EFCAB11: variants seen among roughly 807,000 people sequenced by gnomAD.
EFCAB11 encodes EF-hand calcium binding domain 11.
A neutral mutation model predicts 23.0 loss-of-function variants in EFCAB11; 14 were observed. The ratio of observed to expected loss-of-function variants is 0.61; its 90% CI spans 0.40 to 0.95. The LOEUF (loss-of-function observed/expected upper bound fraction) is 0.95, where lower values mean the gene tolerates loss of function less well. EFCAB11 is among the 40% of genes least tolerant of loss of function. The pLI is 0.00. For missense variants in EFCAB11, 198 were observed against 195.8 expected (o/e 1.01, Z -0.07); for synonymous variants, 65 against 66.6 (o/e 0.98, Z 0.11).
chr14:89,898,352 C>T (rs531288802), intron 5 of EFCAB11, among the ~76,000 whole-genome samples: 5 of 152,002 alleles, frequency 3.3e-5, no homozygotes, highest in African/African-American at 7.2e-5. Flanking sequence ...TTCTTTTTCT[C>T]GTTTTTGTTT....
chr14:89,929,297 G>A (rs916229610), intron 5 of EFCAB11, among the ~76,000 whole-genome samples: 13 of 152,058 alleles, frequency 8.5e-5, no homozygotes, highest in African/African-American at 2.9e-4. Flanking sequence ...CAGTCCTCCT[G>A]CCTTGGCCTC....
At chr14:89,871,288 G>C (rs961855338) in intron 5 of EFCAB11, among the ~76,000 whole-genome samples, 1 of 152,028 alleles carries the variant, frequency 6.6e-6, no homozygotes, top group African/African-American at 2.4e-5. Context: ...TGATTCTCTG[G>C]TTTCTGCCTA....
intron 5 of EFCAB11, among the ~76,000 whole-genome samples, chr14:89,849,236 A>G (rs1431475536): frequency 3.3e-5 from 5 of 152,194 alleles, no homozygotes; most frequent in African/African-American, 1.2e-4. Context: ...ACTTCAACCT[A>G]GAATGTCTAT....
intron 5 of EFCAB11, among the ~76,000 whole-genome samples, chr14:89,929,980 A>G (rs564774089): frequency 1.3e-5 from 2 of 152,356 alleles, no homozygotes; most frequent in South Asian, 4.1e-4. Flanking sequence ...TAAAAAGAAA[A>G]TGAGTATCAA....
At chr14:89,854,653 C>T (rs771353129) in intron 5 of EFCAB11, among the ~76,000 whole-genome samples, 5 of 152,210 alleles carry the variant, frequency 3.3e-5, no homozygotes, top group South Asian at 2.1e-4. Flanking sequence ...GTCCAAAAGA[C>T]GCCTTAAATA....
At chr14:89,824,536 T>C (rs1214410197) in intron 5 of EFCAB11, among the ~76,000 whole-genome samples, 1 of 152,088 alleles carries the variant, frequency 6.6e-6, no homozygotes, top group Admixed American at 6.5e-5. Flanking sequence ...GACCCAATGA[T>C]ATAAATAATT....
chr14:89,934,199 C>T (rs76970217), intron 3 of EFCAB11, among the ~76,000 whole-genome samples: 19,597 of 152,048 alleles, frequency 0.13, 2,612 homozygotes, highest in African/African-American at 0.34. Flanking sequence ...GGCTATTATC[C>T]TGATAAAAGG....
intron 5 of EFCAB11, among the ~76,000 whole-genome samples, chr14:89,817,015 T>C (rs1213542657): frequency 6.6e-6 from 1 of 152,040 alleles, no homozygotes; most frequent in Non-Finnish European, 1.5e-5. Flanking sequence ...AGGTAGAATA[T>C]ATCAGTCCAA....
chr14:89,879,079 C>T (rs1888526992), intron 5 of EFCAB11, among the ~76,000 whole-genome samples: 1 of 151,964 alleles, frequency 6.6e-6, no homozygotes, highest in Admixed American at 6.6e-5. Flanking sequence ...TCTCCCTGTC[C>T]TCTGATCATT....
chr14:89,824,511 G>A (rs1886627977), intron 5 of EFCAB11, among the ~76,000 whole-genome samples: 1 of 152,052 alleles, frequency 6.6e-6, no homozygotes, highest in South Asian at 2.1e-4. Flanking sequence ...TAGGAAATGT[G>A]AAGATGTAGA....
At chr14:89,890,175 T>C (rs1781421650) in intron 5 of EFCAB11, among the ~76,000 whole-genome samples, 1 of 152,218 alleles carries the variant, frequency 6.6e-6, no homozygotes, top group Non-Finnish European at 1.5e-5. Context: ...CACTGCATGA[T>C]TTCTTCTCAT....
intron 5 of EFCAB11, among the ~76,000 whole-genome samples, chr14:89,823,618 G>GAC (rs1281889368): frequency 6.6e-6 from 1 of 152,078 alleles, no homozygotes; most frequent in Non-Finnish European, 1.5e-5. Flanking sequence ...AGAAAAATCA[G>GAC]ACAATGGAAA....
chr14:89,797,423 G>C, intron 5 of EFCAB11, 99 bp from the exon 6 acceptor site: 3 of 1,046,042 alleles, frequency 2.9e-6, no homozygotes, highest in Non-Finnish European at 4.2e-6. Flanking sequence ...GTCTGTGTGA[G>C]AGAGGAACCT....
At chr14:89,887,097 G>C (rs543044000) in intron 5 of EFCAB11, among the ~76,000 whole-genome samples, 1 of 152,230 alleles carries the variant, frequency 6.6e-6, no homozygotes, top group East Asian at 1.9e-4. Flanking sequence ...AACATCCAGA[G>C]GTATTCAAGA....
At chr14:89,882,315 C>G (rs1286944) in intron 5 of EFCAB11, among the ~76,000 whole-genome samples, 131,994 of 152,228 alleles carry the variant, frequency 0.87, 57,426 homozygotes, top group Non-Finnish European at 0.9. Flanking sequence ...AATGTATGTG[C>G]GGCATATGTT....
chr14:89,912,613 A>G (rs2139770310), intron 5 of EFCAB11, among the ~76,000 whole-genome samples: 1 of 152,352 alleles, frequency 6.6e-6, no homozygotes, highest in East Asian at 1.9e-4. Flanking sequence ...AAAATTACAA[A>G]TGCATATTTA....
At chr14:89,866,401 A>G (rs1253025768) in intron 5 of EFCAB11, among the ~76,000 whole-genome samples, 1 of 152,214 alleles carries the variant, frequency 6.6e-6, no homozygotes, top group Non-Finnish European at 1.5e-5. Context: ...GTCAGACCCC[A>G]TGCCTTTCAG....
intron 5 of EFCAB11, among the ~76,000 whole-genome samples, chr14:89,855,893 T>G (rs1887736445): frequency 6.6e-6 from 1 of 152,200 alleles, no homozygotes; most frequent in Non-Finnish European, 1.5e-5. Context: ...TTTGGCTTTC[T>G]GTATGTGGTT....
At chr14:89,870,005 T>C (rs1176962949) in intron 5 of EFCAB11, among the ~76,000 whole-genome samples, 1 of 152,208 alleles carries the variant, frequency 6.6e-6, no homozygotes, top group Non-Finnish European at 1.5e-5. Flanking sequence ...AGAATCCTTC[T>C]TTCTCCTGAC....
Sources: allele counts gnomAD v4.1 joint callset (sites outside exome capture counted in the v4.1 genomes callset), GRCh38; gene constraint gnomAD v4.1.1; transcripts MANE v1.5; gene names NCBI Gene and HGNC (gene_info 2026-07-23, HGNC 2026-07-21).